The following PTPRT variants were observed in gnomAD, a reference collection of about 807,000 sequenced individuals.
PTPRT encodes the protein protein tyrosine phosphatase receptor type T, also known as receptor-type tyrosine-protein phosphatase T.
In PTPRT, 56 loss-of-function variants were observed where a neutral mutation model predicts 176.8. The observed-to-expected ratio is 0.32, with a 90% CI of 0.26 to 0.40. The LOEUF is 0.40. PTPRT is among the 10% of genes least tolerant of loss of function. The pLI is 1.00. For missense variants in PTPRT, 1,540 were observed against 1,908.2 expected, an observed-to-expected ratio of 0.81 and a Z score of 3.60; for synonymous variants, 783 against 739.0, an observed-to-expected ratio of 1.06 and a Z score of -0.96.
At chr20:42,674,924 T>C (rs943426738) in intron 7 of PTPRT, among the ~76,000 whole-genome samples, 12 of 146,738 alleles carry the variant, frequency 8.2e-5, no homozygotes, top group African/African-American at 3.3e-4. Context: ...AATTAATATA[T>C]GAAAGGGCAA....
intron 21 of PTPRT, among the ~76,000 whole-genome samples, chr20:42,116,419 T>C (rs561566837): frequency 6.6e-6 from 1 of 152,244 alleles, no homozygotes; most frequent in East Asian, 1.9e-4. Flanking sequence ...AATGGATTCA[T>C]TGTTTGGTCC....
At chr20:42,532,893 C>T (rs1261828669) in intron 7 of PTPRT, among the ~76,000 whole-genome samples, 2 of 152,058 alleles carry the variant, frequency 1.3e-5, no homozygotes, top group African/African-American at 4.8e-5. Context: ...CAGTCTACAC[C>T]CCCAATAAAG....
At chr20:43,168,135 C>T (rs568286472) in intron 1 of PTPRT, among the ~76,000 whole-genome samples, 6 of 152,304 alleles carry the variant, frequency 3.9e-5, no homozygotes, top group South Asian at 2.1e-4. Context: ...GCACACCTCT[C>T]GCTGCATTAT....
At chr20:43,046,471 A>G (rs1986843515) in intron 1 of PTPRT, among the ~76,000 whole-genome samples, 1 of 151,600 alleles carries the variant, frequency 6.6e-6, no homozygotes, top group South Asian at 2.1e-4. Flanking sequence ...GGGGAGGCTG[A>G]GGCAGGAGAA....
intron 1 of PTPRT, among the ~76,000 whole-genome samples, chr20:43,056,613 T>C (rs1248152021): frequency 6.6e-6 from 1 of 151,892 alleles, no homozygotes; most frequent in Non-Finnish European, 1.5e-5. Context: ...TCTGGGGGGG[T>C]GTTATTCATT....
chr20:43,029,527 G>A (rs1272593062), intron 1 of PTPRT, among the ~76,000 whole-genome samples: 1 of 152,194 alleles, frequency 6.6e-6, no homozygotes, highest in African/African-American at 2.4e-5. Flanking sequence ...AAGACTCCAG[G>A]GCAGTTAGAT....
chr20:42,350,226 T>TTTGTTGTTTTG (rs1555830541), intron 11 of PTPRT, among the ~76,000 whole-genome samples: 2 of 88,180 alleles, frequency 2.3e-5, no homozygotes, highest in African/African-American at 4.5e-5. Flanking sequence ...TTTTTTTTTT[T>TTTGTTGTTTTG]TTTTTTTTTT....
intron 12 of PTPRT, among the ~76,000 whole-genome samples, chr20:42,284,259 C>T (rs1238066692): frequency 3.3e-5 from 5 of 151,974 alleles, no homozygotes; most frequent in Admixed American, 1.3e-4. Flanking sequence ...CTTCTATTAA[C>T]ATAGCTAACA....
intron 6 of PTPRT, among the ~76,000 whole-genome samples, chr20:42,753,877 C>G (rs776500161): frequency 4.6e-5 from 7 of 152,202 alleles, no homozygotes; most frequent in Non-Finnish European, 1.0e-4. Flanking sequence ...ATAAACCAAG[C>G]GTTTTCTGGT....
chr20:42,485,031 C>T (rs894903771), intron 7 of PTPRT, among the ~76,000 whole-genome samples: 1 of 152,222 alleles, frequency 6.6e-6, no homozygotes, highest in African/African-American at 2.4e-5. Context: ...GCCACATCAA[C>T]TGCTCAAGTG....
intron 6 of PTPRT, among the ~76,000 whole-genome samples, chr20:42,739,534 C>T (rs1167922541): frequency 3.3e-5 from 5 of 151,870 alleles, no homozygotes. Flanking sequence ...CTGGCGGACA[C>T]TGAGGAGAGG....
chr20:42,650,260 A>G (rs937959426), intron 7 of PTPRT, among the ~76,000 whole-genome samples: 2 of 152,070 alleles, frequency 1.3e-5, no homozygotes, highest in Non-Finnish European at 2.9e-5. Context: ...TTCCCAACCA[A>G]CCTCCAATAC....
rs1555876043 is a variant in PTPRT, at chr20:42,145,547, T to TAGATAGAC, written c.2683-3546_2683-3545insGTCTATCT. ...ATAGATAGATAGATAGATAGATAGA[T>TAGATAGAC]GGATGTTGGGCTGGATTTAGCCTAT... On this transcript the variant is annotated intron_variant, in intron 17 of 30. Coordinates refer to ENST00000373187, the MANE Select transcript of PTPRT (RefSeq NM_007050.6). Among the ~76,000 whole-genome samples, 4 of 152,038 alleles carry TAGATAGAC rather than the reference T, an allele frequency of 2.6e-5. No individual in the cohort carries two copies. The East Asian group carries it at 7.7e-4, about 29-fold the overall frequency.
chr20:42,036,740 A>C, the PTPRT span, among the ~76,000 whole-genome samples: 3 of 152,322 alleles, frequency 2.0e-5, no homozygotes, highest in African/African-American at 4.8e-5. Flanking sequence ...CAGAGAGGCC[A>C]CAGTCAGAGC....
chr20:42,979,566 T>G (rs561120721), intron 1 of PTPRT, among the ~76,000 whole-genome samples: 2 of 152,174 alleles, frequency 1.3e-5, no homozygotes, highest in African/African-American at 4.8e-5. Flanking sequence ...GAAATATCCT[T>G]AAGGTTTGAA....
intron 7 of PTPRT, among the ~76,000 whole-genome samples, chr20:42,530,113 A>AT (rs1197433769): frequency 6.6e-6 from 1 of 152,090 alleles, no homozygotes; most frequent in Admixed American, 6.5e-5. Context: ...CTATTAGTTG[A>AT]TTTCATCTAT....
At chr20:42,476,318 G>A (rs2071288396) in intron 7 of PTPRT, among the ~76,000 whole-genome samples, 2 of 152,202 alleles carry the variant, frequency 1.3e-5, no homozygotes, top group African/African-American at 2.4e-5. Context: ...TAAGAGAGGT[G>A]TGAGGGTGAA....
At chr20:42,935,688 A>G (rs1980142821) in intron 1 of PTPRT, among the ~76,000 whole-genome samples, 1 of 152,184 alleles carries the variant, frequency 6.6e-6, no homozygotes, top group Admixed American at 6.5e-5. Context: ...GCTATGGACC[A>G]AACATTTCTC....
rs145741348 is a variant in PTPRT, at chr20:43,026,991, G to A, written c.89-141059C>T. Among the ~76,000 whole-genome samples, 1,130 of 152,248 alleles carry A rather than the reference G, an allele frequency of 7.4e-3. 7 individuals carry two copies. Among genetic ancestry groups the A allele is most frequent in the African/African-American group, 0.026 (1,062 of 41,510 alleles). On this transcript the variant is annotated intron_variant, in intron 1 of 30. Transcript: ENST00000373187. ...TTCATCTGTTGATGGACACTCAGTT[G>A]CTTCCAAATCTTGGCTATTGTGAAT...
Sources: allele counts gnomAD v4.1 joint callset (sites outside exome capture counted in the v4.1 genomes callset), GRCh38; gene constraint gnomAD v4.1.1; transcripts MANE v1.5; gene names NCBI Gene and HGNC (gene_info 2026-07-23, HGNC 2026-07-21).